Variants in KANSL1L observed in about 807,000 individuals in gnomAD.
The protein encoded by KANSL1L is KAT8 regulatory NSL complex subunit 1-like protein.
A neutral mutation model predicts 108.6 loss-of-function variants in KANSL1L; 25 were observed. The observed-to-expected ratio is 0.23, with a 90% CI of 0.17 to 0.32. The LOEUF is 0.32. Ranked by LOEUF, KANSL1L falls within the 10% of genes least tolerant of loss-of-function variation. KANSL1L has a pLI of 1.00. For missense variants in KANSL1L, 1,137 were observed against 1,125.7 expected, an observed-to-expected ratio of 1.01 and a Z score of -0.14; for synonymous variants, 405 against 395.1, an observed-to-expected ratio of 1.03 and a Z score of -0.30.
chr2:210,056,011 A>G (rs909430081), intron 6 of KANSL1L, among the ~76,000 whole-genome samples: 1 of 152,148 alleles, frequency 6.6e-6, no homozygotes, highest in Non-Finnish European at 1.5e-5. Flanking sequence ...AGGCCTGGAG[A>G]CTTAGGAGGA....
At chr2:210,112,103 T>C (rs567323348) in intron 3 of KANSL1L, among the ~76,000 whole-genome samples, 2 of 152,322 alleles carry the variant, frequency 1.3e-5, no homozygotes, top group South Asian at 4.1e-4. Context: ...ATGGTGTATA[T>C]GTGTCACATT....
intron 3 of KANSL1L, among the ~76,000 whole-genome samples, chr2:210,110,108 T>G (rs894243469): frequency 1.3e-5 from 2 of 152,166 alleles, no homozygotes; most frequent in Non-Finnish European, 2.9e-5. Flanking sequence ...TGATGCATTC[T>G]CAAAGGATAT....
intron 5 of KANSL1L, among the ~76,000 whole-genome samples, chr2:210,083,354 A>G (rs533577740): frequency 1.8e-4 from 27 of 152,290 alleles, no homozygotes; most frequent in African/African-American, 6.3e-4. Flanking sequence ...GCACCTAAGA[A>G]TCATAGTTAT....
chr2:210,111,400 ATTAT>A (rs1414298554), intron 3 of KANSL1L, among the ~76,000 whole-genome samples: 5 of 152,186 alleles, frequency 3.3e-5, no homozygotes, highest in Non-Finnish European at 7.4e-5. Context: ...TTAATGTTTT[ATTAT>A]TTGACTTATA....
rs184691502 is a variant in KANSL1L at position 210,065,545 on chromosome 2, T to C, written c.1755+10007A>G. 4.3e-3 allele frequency among the ~76,000 whole-genome samples: 647 copies of C among 150,702 alleles called. 2 individuals are homozygous for C. Among genetic ancestry groups the C allele is most frequent in the Non-Finnish European group, 6.4e-3 (436 of 67,862 alleles). On this transcript the variant is annotated intron_variant, in intron 6 of 14. Transcript: ENST00000281772. Reference sequence around the variant, plus strand: ...ACCCTTCATTAACACCTCAGAAAGGTTTGTCTACCTCTCAATTGAGGTGCC... The same window carrying C: ...ACCCTTCATTAACACCTCAGAAAGGCTTGTCTACCTCTCAATTGAGGTGCC...
intron 8 of KANSL1L, among the ~76,000 whole-genome samples, chr2:210,037,633 C>T (rs796762733): frequency 2.6e-5 from 4 of 152,182 alleles, no homozygotes; most frequent in African/African-American, 9.6e-5. Flanking sequence ...CCTATCCTTC[C>T]GTCTCAGCAG....
chr2:210,107,115 A>G (rs1461959261), intron 3 of KANSL1L, among the ~76,000 whole-genome samples: 1 of 152,210 alleles, frequency 6.6e-6, no homozygotes, highest in East Asian at 1.9e-4. Context: ...ACTGTTTCTG[A>G]GAAGAGAAAT....
Position 210,029,847 on chromosome 2 carries a change from C to T in KANSL1L, c.2227G>A (p.Val743Ile), listed in dbSNP as rs750192758. Residue 743 changes from valine to isoleucine, a missense_variant, in exon 10 of 15, where the codon GTT becomes ATT. Val to Ile is a conservative substitution (Grantham distance 29). Around this residue, in one of 3 missense-constraint regions of KANSL1L, gnomAD observed 575 missense variants for 567.1 expected, o/e 1.01. Transcript: ENST00000281772. ...CTTGATAAAACGTTGACATTGGAAA[C>T]AGCAGTAAAATTGCTATGGGATCCT... ...ESGSHSNFTAVSNVNVLSRIQ... is the reference protein window; with the variant it reads ...ESGSHSNFTAISNVNVLSRIQ... 7 of 1,607,066 alleles carry T rather than the reference C, an allele frequency of 4.4e-6. No homozygotes were observed. The highest frequency in any genetic ancestry group is 5.1e-6 in the Non-Finnish European group (6 of 1,175,416).
chr2:210,153,455 T>C, intron 2 of KANSL1L, 40 bp downstream of exon 2: 2 of 1,514,656 alleles, frequency 1.3e-6, no homozygotes, highest in South Asian at 1.1e-5. Context: ...TGCTGCTATA[T>C]ATGGAACAGA....
At chr2:210,161,960 C>T (rs2095363430) in intron 1 of KANSL1L, among the ~76,000 whole-genome samples, 1 of 151,022 alleles carries the variant, frequency 6.6e-6, no homozygotes, top group African/African-American at 2.4e-5. Context: ...CATGGTGGCT[C>T]ATGCCTGTGA....
intron 6 of KANSL1L, among the ~76,000 whole-genome samples, chr2:210,047,546 T>G (rs1312922307): frequency 3.3e-5 from 5 of 152,258 alleles, no homozygotes; most frequent in Non-Finnish European, 5.9e-5. Flanking sequence ...TTTATCAGAA[T>G]GGCTTTAATG....
At chr2:210,049,288 C>T (rs1014961509) in intron 6 of KANSL1L, among the ~76,000 whole-genome samples, 13 of 151,878 alleles carry the variant, frequency 8.6e-5, no homozygotes, top group Non-Finnish European at 1.5e-4. Context: ...CTTCCACCCC[C>T]CCACCCCTCC....
Position 210,031,481 on chromosome 2 carries a change from C to T in KANSL1L, c.2095G>A (p.Glu699Lys), listed in dbSNP as rs1402257676. ...CCCTGTAACAGTTGTGCAGAAGATTCTGACCTTATTTGAGGCTTACATATA... is the reference window on the plus strand; with the variant it reads ...CCCTGTAACAGTTGTGCAGAAGATTTTGACCTTATTTGAGGCTTACATATA... The part of the protein sequence containing the change: ...SPICKPQIRS[E>K]SSAQLLQGRK... Residue 699 changes from glutamate to lysine, a missense_variant, in exon 9 of 15, where the codon GAA (glutamate) becomes AAA (lysine). Around this residue, in one of 3 missense-constraint regions of KANSL1L, gnomAD observed 575 missense variants for 567.1 expected, o/e 1.01. Coordinates refer to ENST00000281772, the MANE Select transcript of KANSL1L (RefSeq NM_152519.4). 1.3e-6 allele frequency: 2 copies of T among 1,589,492 alleles called. No individual in the cohort carries two copies. The highest frequency in any genetic ancestry group is 1.7e-6 in the Non-Finnish European group (2 of 1,159,014).
intron 1 of KANSL1L, among the ~76,000 whole-genome samples, chr2:210,162,104 T>C (rs949831560): frequency 1.1e-4 from 16 of 148,258 alleles, no homozygotes; most frequent in Admixed American, 2.7e-4. Flanking sequence ...CACACACATA[T>C]ATTTTTATCC....
chr2:210,085,688 T>G (rs2094630692), intron 5 of KANSL1L, among the ~76,000 whole-genome samples: 1 of 151,962 alleles, frequency 6.6e-6, no homozygotes, highest in Non-Finnish European at 1.5e-5. Context: ...AAAATCATAC[T>G]GTACTATAAT....
intron 4 of KANSL1L, 98 bp from the exon 5 acceptor site, chr2:210,098,305 C>CA: frequency 9.4e-7 from 1 of 1,061,374 alleles, no homozygotes. Context: ...TCTCATGACA[C>CA]ACATGTTTTT....
intron 2 of KANSL1L, among the ~76,000 whole-genome samples, chr2:210,138,193 A>T (rs1263628866): frequency 6.6e-6 from 1 of 152,122 alleles, no homozygotes; most frequent in African/African-American, 2.4e-5. Context: ...TTTTATTTTT[A>T]AAAACAGTGC....
intron 9 of KANSL1L, 25 bp downstream of exon 9, chr2:210,031,396 T>C (rs2094014272): frequency 2.0e-6 from 3 of 1,516,110 alleles, no homozygotes; most frequent in Non-Finnish European, 2.7e-6. Context: ...TTATCACTAC[T>C]GCTTATATCC....
chr2:210,032,756 T>C (rs2125145355), intron 8 of KANSL1L: 1 of 152,322 alleles, frequency 6.6e-6, no homozygotes, highest in Admixed American at 6.5e-5. Flanking sequence ...GAGTTTTAAC[T>C]GAGTATCACA....
Sources: allele counts gnomAD v4.1 joint callset (sites outside exome capture counted in the v4.1 genomes callset), GRCh38; gene constraint gnomAD v4.1.1; regional missense constraint gnomAD v4.1.1; transcripts MANE v1.5; gene names NCBI Gene and HGNC (gene_info 2026-07-23, HGNC 2026-07-21).